PTCHD1: variants seen among roughly 807,000 people sequenced by gnomAD.
The protein encoded by PTCHD1 is patched domain-containing protein 1.
In PTCHD1, 3 loss-of-function variants were observed where a neutral mutation model predicts 34.6. The observed-to-expected ratio is 0.09, with a 90% CI of 0.04 to 0.22. The LOEUF (loss-of-function observed/expected upper bound fraction) is 0.22, where lower values mean the gene tolerates loss of function less well. Ranked by LOEUF, PTCHD1 falls within the 10% of genes least tolerant of loss-of-function variation. The probability of loss-of-function intolerance (pLI) is 1.00; values close to 1 mark genes in which losing one functional copy is unlikely to be tolerated. For missense variants in PTCHD1, 504 were observed against 685.5 expected, an observed-to-expected ratio of 0.74 and a Z score of 2.96; for synonymous variants, 305 against 283.1, an observed-to-expected ratio of 1.08 and a Z score of -0.77.
chrX:23,377,706 G>A (rs1456873934), intron 1 of PTCHD1, among the ~76,000 whole-genome samples: 1 of 110,304 alleles, frequency 9.1e-6, no homozygotes, highest in Non-Finnish European at 1.9e-5. Context: ...TGGTACCCAT[G>A]AAGAGATGGG....
intron 1 of PTCHD1, among the ~76,000 whole-genome samples, chrX:23,372,882 C>CT (rs1490386386): frequency 1.8e-5 from 2 of 111,990 alleles, no homozygotes; most frequent in East Asian, 5.6e-4. Flanking sequence ...AATAGCCACT[C>CT]TATCAGCCAC....
intron 1 of PTCHD1, among the ~76,000 whole-genome samples, chrX:23,358,241 T>C (rs1293780421): frequency 8.9e-6 from 1 of 112,103 alleles, no homozygotes; most frequent in Non-Finnish European, 1.9e-5. Flanking sequence ...CACACTGACT[T>C]CCACAATGAT....
At chrX:23,364,229 G>T (rs1922069361) in intron 1 of PTCHD1, among the ~76,000 whole-genome samples, 1 of 110,691 alleles carries the variant, frequency 9.0e-6, no homozygotes, top group Admixed American at 9.6e-5. Context: ...GGACATGAGA[G>T]GGCCCTCTGG....
chrX:23,344,836 TCAC>T, intron 1 of PTCHD1, among the ~76,000 whole-genome samples: 1 of 111,753 alleles, frequency 8.9e-6, no homozygotes, highest in Middle Eastern at 4.6e-3. Context: ...AGGGCTCTCC[TCAC>T]CACATCTCAC....
chrX:23,374,280 C>CAAAAAAAAAA (rs752214252), intron 1 of PTCHD1, among the ~76,000 whole-genome samples: 21 of 24,542 alleles, frequency 8.6e-4, no homozygotes, highest in Non-Finnish European at 1.6e-3. Flanking sequence ...GAAACAAATA[C>CAAAAAAAAAA]AAAAAAAAAA....
At chrX:23,388,433 C>T (rs758353203) in intron 2 of PTCHD1, among the ~76,000 whole-genome samples, 2 of 112,353 alleles carry the variant, frequency 1.8e-5, no homozygotes, top group Non-Finnish European at 1.9e-5. Context: ...AAACAACAGT[C>T]AGACCTCTGA....
In PTCHD1 at chrX:23,397,063, C is replaced by A. The variant is rs1174176030; in HGVS notation, c.*2878C>A. ...TTTTTTTTCTTTCAATTAATTCCAA[C>A]CAAGACATTAACGTCCACTTTACCA... On this transcript the variant is annotated 3_prime_UTR_variant, in exon 3 of 3. Coordinates refer to ENST00000379361, the MANE Select transcript of PTCHD1 (RefSeq NM_173495.3). The A allele has an allele frequency of 1.8e-5, 2 of 111,647 alleles. No homozygotes were observed. The highest frequency in any genetic ancestry group is 6.5e-5 in the African/African-American group (2 of 30,702). The allele number at this position is 111,647 out of a possible 1,213,427, so 9.2% of individuals were successfully genotyped here. A position where few individuals can be genotyped will look rare whatever the true frequency, so the allele number is the denominator to read the frequency against.
At position 23,380,256 on chromosome X, in the gene PTCHD1, T is replaced by C. The variant is rs201933353; in HGVS notation, c.1012+5T>C. On this transcript the variant is annotated splice_donor_5th_base_variant and intron_variant, in intron 2 of 2. Coordinates refer to ENST00000379361, the MANE Select transcript of PTCHD1 (RefSeq NM_173495.3). ...GAGTCCCTTTCGTCATGCTAGGTAA[T>C]TACTACTCTTCTTTCTTCTGTTTCC... 954 of 1,200,978 alleles carry C rather than the reference T, an allele frequency of 7.9e-4. 1 individual carries two copies. Among genetic ancestry groups the C allele is most frequent in the Non-Finnish European group, 1.0e-3 (930 of 887,958 alleles).
chrX:23,341,608 C>T (rs1921312903), intron 1 of PTCHD1, among the ~76,000 whole-genome samples: 1 of 112,290 alleles, frequency 8.9e-6, no homozygotes, highest in Non-Finnish European at 1.9e-5. Context: ...CCTGTGTCTC[C>T]GCCACATACC....
intron 2 of PTCHD1, among the ~76,000 whole-genome samples, chrX:23,382,168 A>G (rs945852027): frequency 2.7e-5 from 3 of 111,790 alleles, no homozygotes; most frequent in Admixed American, 1.9e-4. Flanking sequence ...ATTTTATGAC[A>G]TTCCAGGTTG....
intron 2 of PTCHD1, among the ~76,000 whole-genome samples, chrX:23,388,617 G>C (rs1922741779): frequency 9.0e-6 from 1 of 111,238 alleles, no homozygotes; most frequent in Non-Finnish European, 1.9e-5. Flanking sequence ...GATCACCTGA[G>C]GTCAAGAGTT....
In PTCHD1 at chrX:23,351,384, T is replaced by A. The variant is rs751641062; in HGVS notation, c.351+16158T>A. 8.9e-6 allele frequency: 6 copies of A among 674,609 alleles called. No homozygotes were observed. In the East Asian group the frequency reaches 1.9e-4, roughly 22 times the overall value. The allele number at this position is 674,609 out of a possible 1,213,427, so 55.6% of individuals were successfully genotyped here. On this transcript the variant is annotated intron_variant, in intron 1 of 2. Transcript: ENST00000379361. ...TATATGAAATGTTCATTCTGCAAAATATGTTTCTGAAATGGTACGAAAACT... is the reference window on the plus strand; with the variant it reads ...TATATGAAATGTTCATTCTGCAAAAAATGTTTCTGAAATGGTACGAAAACT...
chrX:23,334,781 C>CGCCGCT (rs1240772725), upstream of PTCHD1: 4 of 283,445 alleles, frequency 1.4e-5, no homozygotes, highest in East Asian at 5.6e-4. Flanking sequence ...CCGCCGCGGG[C>CGCCGCT]GCCGCTGCCG....
chrX:23,355,701 C>A (rs1055040178), intron 1 of PTCHD1, among the ~76,000 whole-genome samples: 1 of 112,223 alleles, frequency 8.9e-6, no homozygotes, highest in Non-Finnish European at 1.9e-5. Context: ...TAAGTGAACC[C>A]AAACGTAGTT....
intron 1 of PTCHD1, among the ~76,000 whole-genome samples, chrX:23,374,280 C>CAAAAAAAAAAAAAAA (rs752214252): frequency 8.1e-5 from 2 of 24,545 alleles, no homozygotes; most frequent in Non-Finnish European, 1.7e-4. Flanking sequence ...GAAACAAATA[C>CAAAAAAAAAAAAAAA]AAAAAAAAAA....
At chrX:23,366,146 T>G (rs1304974619) in intron 1 of PTCHD1, among the ~76,000 whole-genome samples, 2 of 112,196 alleles carry the variant, frequency 1.8e-5, no homozygotes, top group Non-Finnish European at 3.8e-5. Flanking sequence ...TTCTGTCTCC[T>G]TCAAGCTAGT....
At chrX:23,342,367 G>A (rs1921366382) in intron 1 of PTCHD1, among the ~76,000 whole-genome samples, 1 of 91,251 alleles carries the variant, frequency 1.1e-5, no homozygotes, top group Admixed American at 1.2e-4. Context: ...GGTGTTTGTG[G>A]CAAGCAACCT....
chrX:23,363,613 T>A (rs187433305), intron 1 of PTCHD1, among the ~76,000 whole-genome samples: 17 of 112,876 alleles, frequency 1.5e-4, no homozygotes, highest in African/African-American at 1.9e-4. Flanking sequence ...GCTTCCTGGG[T>A]GAGGCGATGC....
chrX:23,342,304 A>T (rs1321126564), intron 1 of PTCHD1, among the ~76,000 whole-genome samples: 2 of 10,055 alleles, frequency 2.0e-4, no homozygotes, highest in Admixed American at 1.9e-3. Flanking sequence ...ATATATATAT[A>T]TATATATTTT....
Sources: allele counts gnomAD v4.1 joint callset (sites outside exome capture counted in the v4.1 genomes callset), GRCh38; gene constraint gnomAD v4.1.1; transcripts MANE v1.5; gene names NCBI Gene and HGNC (gene_info 2026-07-23, HGNC 2026-07-21).